The following CACNA1C variants were observed in gnomAD, a reference collection of about 807,000 sequenced individuals.
The protein encoded by CACNA1C is calcium voltage-gated channel subunit alpha1 C, also known as voltage-dependent L-type calcium channel subunit alpha-1C.
In CACNA1C, 30 loss-of-function variants were observed where a neutral mutation model predicts 229.0. The observed-to-expected ratio is 0.13, with a 90% CI of 0.10 to 0.18. The LOEUF is 0.18. CACNA1C is among the 10% of genes least tolerant of loss of function. The pLI is 1.00. For synonymous variants in CACNA1C, 1,114 were observed against 1,132.5 expected (o/e 0.98, Z 0.33); for missense variants, 1,658 against 2,845.0 (o/e 0.58, Z 9.49).
At chr12:2,406,415 A>C (rs1004826499) in intron 3 of CACNA1C, among the ~76,000 whole-genome samples, 1 of 152,194 alleles carries the variant, frequency 6.6e-6, no homozygotes, top group African/African-American at 2.4e-5. Context: ...TTATAATCCC[A>C]CAGGCCACCC....
At position 2,486,766 on chromosome 12, in the gene CACNA1C, C is replaced by T. The variant is rs553473885; in HGVS notation, c.916+504C>T. ...TCCAGATCCTCTGTAATTATTGTTT[C>T]TGCTTCTCCATTCACAGGCAGATGC... On this transcript the variant is annotated intron_variant, in intron 6 of 46. Transcript: ENST00000399655. The surrounding 1 kb of genome is among the most constrained non-coding windows in gnomAD (Gnocchi z 4.9). Among the ~76,000 whole-genome samples the T allele has an allele frequency of 4.6e-5, 7 of 152,274 alleles. No individual in the cohort carries two copies. The highest frequency in any genetic ancestry group is 4.6e-4 in the Admixed American group (7 of 15,302).
chr12:2,384,221 A>ACTG (rs1190772637), intron 3 of CACNA1C, among the ~76,000 whole-genome samples: 1 of 152,226 alleles, frequency 6.6e-6, no homozygotes, highest in African/African-American at 2.4e-5. Flanking sequence ...ATCGCGGGTT[A>ACTG]CTGTACTGTC....
chr12:2,606,684 A>G, intron 25 of CACNA1C, 21 bp downstream of exon 25: 3 of 1,603,086 alleles, frequency 1.9e-6, no homozygotes, highest in Non-Finnish European at 2.6e-6. Context: ...GTGGGAGGGC[A>G]GCCAGGGCCA....
chr12:2,414,039 C>T (rs1457596849), intron 3 of CACNA1C, among the ~76,000 whole-genome samples: 3 of 151,868 alleles, frequency 2.0e-5, no homozygotes, highest in African/African-American at 7.3e-5. Context: ...TTAGGCAGTG[C>T]AGAGAGAGTG....
chr12:2,270,764 A>G (rs1411796841), intron 3 of CACNA1C, among the ~76,000 whole-genome samples: 2 of 152,180 alleles, frequency 1.3e-5, no homozygotes, highest in Admixed American at 6.5e-5. Flanking sequence ...TGATGCCACA[A>G]TGTCTGTATT....
chr12:2,461,467 A>G (rs11062236), intron 5 of CACNA1C, among the ~76,000 whole-genome samples: 2,806 of 152,294 alleles, frequency 0.018, 37 homozygotes, highest in Non-Finnish European at 0.029. Flanking sequence ...CTCCCTAGTT[A>G]TCACGTCCAG....
intron 4 of CACNA1C, among the ~76,000 whole-genome samples, chr12:2,456,937 G>T (rs553646789): frequency 6.6e-6 from 1 of 152,256 alleles, no homozygotes; most frequent in Non-Finnish European, 1.5e-5. Context: ...TGTTGGAGGA[G>T]TGAATATGCC....
At chr12:2,044,089 C>CA (rs1241407531) in intron 1 of CACNA1C, among the ~76,000 whole-genome samples, 3 of 152,092 alleles carry the variant, frequency 2.0e-5, no homozygotes, top group East Asian at 1.9e-4. Flanking sequence ...ATATTCATCA[C>CA]AAAAAATCAT....
At position 2,145,673 on chromosome 12, in the gene CACNA1C, G is replaced by T. The variant is rs369591559; in HGVS notation, c.477+25243G>T. Among the ~76,000 whole-genome samples, 31 of 151,414 alleles carry T rather than the reference G, an allele frequency of 2.0e-4. 1 individual carries two copies. The East Asian group carries it at 3.7e-3, about 18-fold the overall frequency. ...TGGTACCTGCGGGCTTAAGTAGTCC[G>T]TGGGCTTGTGAGGAAAACGCTAGAT... On this transcript the variant is annotated intron_variant, in intron 3 of 46. Coordinates refer to ENST00000399655, the MANE Select transcript of CACNA1C (RefSeq NM_000719.7).
rs953066697 is a variant in CACNA1C, at chr12:2,275,727, C to T, written c.477+155297C>T. ...CGGGCCAGGTTGAGCAGGAAACCAT[C>T]GTTAGGGCACGGAAGCATAGGTGGG... On this transcript the variant is annotated intron_variant, in intron 3 of 46. Coordinates refer to ENST00000399655, the MANE Select transcript of CACNA1C (RefSeq NM_000719.7). The surrounding 1 kb of genome is among the most constrained non-coding windows in gnomAD (Gnocchi z 4.1). Among the ~76,000 whole-genome samples the T allele has an allele frequency of 6.6e-6, 1 of 152,170 alleles. No homozygotes were observed. The highest frequency in any genetic ancestry group is 1.5e-5 in the Non-Finnish European group (1 of 68,038).
intron 1 of CACNA1C, among the ~76,000 whole-genome samples, chr12:2,094,874 C>T (rs979248335): frequency 6.6e-6 from 1 of 152,172 alleles, no homozygotes; most frequent in Non-Finnish European, 1.5e-5. Flanking sequence ...TGTGCCTCTC[C>T]TTCATTGCTG....
chr12:2,639,406 CT>C lies in CACNA1C; in HGVS notation c.3912+5031del, dbSNP rs2093367350. Among the ~76,000 whole-genome samples, 1 of 152,212 alleles carries C rather than the reference CT, an allele frequency of 6.6e-6. No homozygotes were observed. Among genetic ancestry groups the C allele is most frequent in the African/African-American group, 2.4e-5 (1 of 41,442 alleles). ...GCCAACAGCCTTTCCCGACACACTT[CT>C]TTTTCATTTTGTATTTTAAAATATA... On this transcript the variant is annotated intron_variant, in intron 30 of 46. Coordinates refer to ENST00000399655, the MANE Select transcript of CACNA1C (RefSeq NM_000719.7). This position sits in a 1 kb window ranked among gnomAD's most constrained non-coding sequence, Gnocchi z 4.2.
At chr12:2,366,317 A>G (rs2097717691) in intron 3 of CACNA1C, among the ~76,000 whole-genome samples, 1 of 152,244 alleles carries the variant, frequency 6.6e-6, no homozygotes, top group African/African-American at 2.4e-5. Context: ...CAACTTTATT[A>G]GTATTATTTA....
In CACNA1C at chr12:2,018,562, T is replaced by G. The variant is rs148787386; in HGVS notation, c.139+47361T>G. Among the ~76,000 whole-genome samples, 9 of 152,294 alleles carry G rather than the reference T, an allele frequency of 5.9e-5. No individual in the cohort carries two copies. In the East Asian group the frequency reaches 1.7e-3, roughly 29 times the overall value. On this transcript the variant is annotated intron_variant, in intron 1 of 46. Transcript: ENST00000682462. Reference sequence around the variant, plus strand: ...CAACAGAGCAAGGAAAGCTGAAGTTTATGGCTGTGGACGAGCGCTTCCTCC... The same window carrying G: ...CAACAGAGCAAGGAAAGCTGAAGTTGATGGCTGTGGACGAGCGCTTCCTCC...
At chr12:2,052,748 G>C (rs1421753525), upstream of CACNA1C, among the ~76,000 whole-genome samples, 1 of 145,750 alleles carries the variant, frequency 6.9e-6, no homozygotes, top group Non-Finnish European at 1.5e-5. Flanking sequence ...CGGAGGGCTC[G>C]CTCGGGCGGC....
At chr12:2,075,292 G>T (rs994456844) in intron 1 of CACNA1C, among the ~76,000 whole-genome samples, 1 of 152,174 alleles carries the variant, frequency 6.6e-6, no homozygotes, top group Non-Finnish European at 1.5e-5. Context: ...CATGGGACCT[G>T]CTCATCAGCT....
intron 3 of CACNA1C, among the ~76,000 whole-genome samples, chr12:2,149,274 C>G (rs75119320): frequency 6.6e-6 from 1 of 152,130 alleles, no homozygotes; most frequent in African/African-American, 2.4e-5. Flanking sequence ...CAGACTCATG[C>G]CAGGCCAGTG....
chr12:2,458,788 T>G (rs956749629), intron 5 of CACNA1C, among the ~76,000 whole-genome samples: 1 of 152,120 alleles, frequency 6.6e-6, no homozygotes, highest in Admixed American at 6.5e-5. Flanking sequence ...GACTTTATAT[T>G]AACCAGTTTA....
chr12:2,115,265 A>G lies in CACNA1C; in HGVS notation c.91A>G (p.Asn31Asp), dbSNP rs531598856. 3.1e-6 allele frequency: 5 copies of G among 1,592,054 alleles called. No individual in the cohort carries two copies. The South Asian group carries it at 5.7e-5, about 18-fold the overall frequency. The change falls in exon 2 of 47, where the codon AAT (asparagine) becomes GAT (aspartate). Residue 31 changes from asparagine (N) to aspartate (D), a missense_variant. By Grantham distance (23) the Asn-to-Asp change is conservative. This residue lies in a region of CACNA1C where 111 missense variants were observed against 128.0 expected (regional missense o/e 0.87). Transcript: ENST00000399655. ...CCCACGCCCCGCCCATGCCAACATG[A>G]ATGCCAATGCGGCAGCGGGGCTGGC... ...GSPRPAHANMNANAAAGLAPE... is the reference protein window; with the variant it reads ...GSPRPAHANMDANAAAGLAPE...
Sources: gnomAD v4.1 joint callset for allele counts (sites outside exome capture counted in the v4.1 genomes callset) on GRCh38, gnomAD v4.1.1 for gene constraint, gnomAD v4.1.1 regional missense constraint, Gnocchi (gnomAD v3.1) non-coding constraint, MANE v1.5 for transcripts, NCBI Gene and HGNC (gene_info 2026-07-23, HGNC 2026-07-21) for gene names.